DACH2: variants seen among roughly 807,000 people sequenced by gnomAD.
DACH2 encodes dachshund homolog 2.
DACH2 carries 17 observed loss-of-function variants against 35.8 expected under a neutral mutation model. The observed-to-expected ratio is 0.48, with a 90% CI of 0.33 to 0.71. The LOEUF is 0.71. DACH2 is among the 30% of genes least tolerant of loss of function. DACH2 has a pLI of 0.02. For missense variants in DACH2, 469 were observed against 472.7 expected (o/e 0.99, Z 0.07); for synonymous variants, 195 against 177.3 (o/e 1.10, Z -0.79).
At chrX:86,411,008 G>T (rs915028210) in intron 2 of DACH2, among the ~76,000 whole-genome samples, 4 of 27,487 alleles carry the variant, frequency 1.5e-4, no homozygotes, top group Non-Finnish European at 2.6e-4. Flanking sequence ...TAGAGGGACA[G>T]AACTAATATG....
intron 2 of DACH2, among the ~76,000 whole-genome samples, chrX:86,457,118 G>A (rs1447092378): frequency 1.8e-5 from 2 of 111,449 alleles, no homozygotes; most frequent in Admixed American, 1.9e-4. Context: ...CTGTGGAATA[G>A]GATATGAGGG....
intron 2 of DACH2, among the ~76,000 whole-genome samples, chrX:86,466,566 C>G (rs1377372978): frequency 9.0e-6 from 1 of 111,634 alleles, no homozygotes; most frequent in Admixed American, 9.5e-5. Flanking sequence ...GTCCACAGTC[C>G]AAAGTCTCAT....
At chrX:86,621,964 G>T (rs1048831602) in intron 3 of DACH2, among the ~76,000 whole-genome samples, 1 of 111,388 alleles carries the variant, frequency 9.0e-6, no homozygotes, top group Non-Finnish European at 1.9e-5. Flanking sequence ...TTTCAAGAAC[G>T]TTTCATAGGA....
intron 1 of DACH2, among the ~76,000 whole-genome samples, chrX:86,232,991 T>C (rs2032982236): frequency 1.8e-5 from 2 of 112,051 alleles, no homozygotes; most frequent in Admixed American, 1.9e-4. Context: ...ATATACACCA[T>C]GGAATGCTAT....
chrX:86,695,854 TCACC>T (rs2041063139), intron 5 of DACH2, among the ~76,000 whole-genome samples: 1 of 111,040 alleles, frequency 9.0e-6, no homozygotes, highest in Non-Finnish European at 1.9e-5. Flanking sequence ...GTTGGAGAAG[TCACC>T]TAACCTTTCC....
chrX:86,519,041 A>T (rs773422535), intron 3 of DACH2, among the ~76,000 whole-genome samples: 67 of 112,093 alleles, frequency 6.0e-4, no homozygotes, highest in Non-Finnish European at 7.1e-4. Context: ...TTTCTCATAG[A>T]TGGCTCTTAT....
intron 1 of DACH2, among the ~76,000 whole-genome samples, chrX:86,254,781 A>ATATATATATATATATATATATAT (rs1556004270): frequency 4.4e-5 from 1 of 22,593 alleles, no homozygotes; most frequent in Non-Finnish European, 7.4e-5. Flanking sequence ...CAAATAAATA[A>ATATATATATATATATATATATAT]ATATATATAT....
chrX:86,504,049 T>C (rs948131552), intron 2 of DACH2, among the ~76,000 whole-genome samples: 2 of 106,984 alleles, frequency 1.9e-5, no homozygotes, highest in African/African-American at 6.8e-5. Flanking sequence ...TGACTATTCA[T>C]TTAAATTGGA....
rs1450427143 is a variant in DACH2 at position 86,514,566 on chromosome X, A to G, written c.640+175A>G. ...ACAAATTTTTTTACTTGAGCGACAA[A>G]TCAAATGGACGTGATTTTAAAAATT... On this transcript the variant is annotated intron_variant, in intron 3 of 11. Coordinates refer to ENST00000373125, the MANE Select transcript of DACH2 (RefSeq NM_053281.3). Among the ~76,000 whole-genome samples the G allele has an allele frequency of 1.7e-4, 19 of 112,263 alleles. No homozygotes were observed. The Admixed American group carries it at 1.8e-3, about 11-fold the overall frequency.
intron 1 of DACH2, among the ~76,000 whole-genome samples, chrX:86,154,288 G>C (rs1204720736): frequency 9.0e-6 from 1 of 111,342 alleles, no homozygotes; most frequent in Non-Finnish European, 1.9e-5. Context: ...TTTTAAATAT[G>C]TATTAAAACC....
chrX:86,785,728 A>C (rs184241206), intron 7 of DACH2, among the ~76,000 whole-genome samples: 1 of 111,749 alleles, frequency 8.9e-6, no homozygotes, highest in African/African-American at 3.2e-5. Context: ...AGCATAATTC[A>C]TCAAGTCAAC....
intron 3 of DACH2, among the ~76,000 whole-genome samples, chrX:86,534,862 T>C (rs373437462): frequency 1.7e-4 from 19 of 111,908 alleles, no homozygotes; most frequent in East Asian, 1.4e-3. Flanking sequence ...TCAAGGAATT[T>C]AATAATCACA....
At chrX:86,830,979 C>T (rs2042606244) in intron 11 of DACH2, 1 of 111,183 alleles carries the variant, frequency 9.0e-6, no homozygotes, top group African/African-American at 3.3e-5. Context: ...TAAGTGAATT[C>T]CATGGGCTTC....
intron 7 of DACH2, among the ~76,000 whole-genome samples, chrX:86,755,666 C>T (rs1265329061): frequency 3.0e-5 from 3 of 101,318 alleles, no homozygotes; most frequent in Non-Finnish European, 5.9e-5. Flanking sequence ...GACGTGATCT[C>T]GGCTCACTGC....
chrX:86,312,474 G>A (rs1158501982), intron 1 of DACH2, among the ~76,000 whole-genome samples: 2 of 111,532 alleles, frequency 1.8e-5, no homozygotes, highest in Non-Finnish European at 3.8e-5. Context: ...TTAATACTGA[G>A]TGTCAACTTG....
chrX:86,687,083 A>C (rs950537488), intron 4 of DACH2, among the ~76,000 whole-genome samples: 11 of 112,369 alleles, frequency 9.8e-5, no homozygotes, highest in Non-Finnish European at 1.7e-4. Flanking sequence ...TTTAATTATT[A>C]AGTCTACTTT....
At chrX:86,395,835 T>A (rs867577679) in intron 2 of DACH2, among the ~76,000 whole-genome samples, 48 of 111,821 alleles carry the variant, frequency 4.3e-4, no homozygotes, top group African/African-American at 1.5e-3. Flanking sequence ...GTGAATAGTG[T>A]GGCAATAAAC....
intron 1 of DACH2, among the ~76,000 whole-genome samples, chrX:86,152,464 C>T (rs1411465944): frequency 4.5e-5 from 5 of 111,582 alleles, no homozygotes; most frequent in Non-Finnish European, 7.6e-5. Flanking sequence ...TTTGATAGTA[C>T]TGAAAGTCAC....
chrX:86,196,842 A>G lies in DACH2; in HGVS notation c.488+47734A>G, dbSNP rs751840565. ...ACCAACTTCTAAAACATATTTCAGG[A>G]TATCATTCACGAGAAGTTAACCAAC... is the stretch of plus-strand genomic sequence containing the variant. On this transcript the variant is annotated intron_variant, in intron 1 of 11. Coordinates refer to ENST00000373125, the MANE Select transcript of DACH2 (RefSeq NM_053281.3). Among the ~76,000 whole-genome samples the G allele has an allele frequency of 7.8e-4, 86 of 110,583 alleles. 2 individuals are homozygous for G. The highest frequency in any genetic ancestry group is 1.5e-3 in the Non-Finnish European group (77 of 52,984).
Sources: gnomAD v4.1 joint callset for allele counts (sites outside exome capture counted in the v4.1 genomes callset) on GRCh38, gnomAD v4.1.1 for gene constraint, MANE v1.5 for transcripts, NCBI Gene and HGNC (gene_info 2026-07-23, HGNC 2026-07-21) for gene names.